Variants in DCLK1 observed in about 807,000 individuals in gnomAD.
DCLK1 encodes doublecortin like kinase 1.
A neutral mutation model predicts 86.2 loss-of-function variants in DCLK1; 16 were observed. The ratio of observed to expected loss-of-function variants is 0.19; its 90% CI spans 0.13 to 0.28. DCLK1 has a LOEUF of 0.28. Ranked by LOEUF, DCLK1 falls within the 10% of genes least tolerant of loss-of-function variation. The pLI, the probability that DCLK1 is intolerant of heterozygous loss-of-function variation, is 1.00. For synonymous variants in DCLK1, 369 were observed against 370.5 expected, an observed-to-expected ratio of 1.00 and a Z score of 0.05; for missense variants, 590 against 940.2, an observed-to-expected ratio of 0.63 and a Z score of 4.87.
intron 16 of DCLK1, among the ~76,000 whole-genome samples, chr13:35,784,862 T>C (rs946747148): frequency 5.9e-5 from 9 of 152,026 alleles, no homozygotes; most frequent in African/African-American, 2.2e-4. Flanking sequence ...GGGCCCTACA[T>C]CCCTTCTCAC....
intron 16 of DCLK1, among the ~76,000 whole-genome samples, chr13:35,780,807 A>G (rs752900844): frequency 1.3e-5 from 2 of 152,236 alleles, no homozygotes; most frequent in Non-Finnish European, 2.9e-5. Context: ...TATCTCAGCA[A>G]CTCAGGTGGC....
chr13:36,107,442 G>C (rs1173969348), intron 3 of DCLK1, among the ~76,000 whole-genome samples: 1 of 146,748 alleles, frequency 6.8e-6, no homozygotes, highest in Non-Finnish European at 1.5e-5. Context: ...ATTTTATAAA[G>C]TACATGGCCT....
chr13:35,923,972 G>C (rs1225833628), intron 4 of DCLK1, among the ~76,000 whole-genome samples: 1 of 152,124 alleles, frequency 6.6e-6, no homozygotes. Context: ...AATAGTTCGA[G>C]GGATCATAAG....
intron 4 of DCLK1, among the ~76,000 whole-genome samples, chr13:35,891,529 T>G (rs1437226902): frequency 6.6e-6 from 1 of 152,206 alleles, no homozygotes; most frequent in Non-Finnish European, 1.5e-5. Context: ...ATGAAAATGT[T>G]CTAAAATTGA....
At chr13:35,911,707 T>G (rs2153124856) in intron 4 of DCLK1, among the ~76,000 whole-genome samples, 1 of 152,320 alleles carries the variant, frequency 6.6e-6, no homozygotes, top group Non-Finnish European at 1.5e-5. Context: ...TCTGAACAAT[T>G]TCTTGTTCTG....
Position 36,112,055 on chromosome 13 carries a change from A to G in DCLK1, c.537T>C (p.Asn179=), listed in dbSNP as rs143042214. ...AKGSPSEVRE[N]KDFIRPKLVT... ...CCAGCTTGGGCCGAATGAAATCCTTATTCTCTCGCACCTCTGAAGGGCTTC... is the reference window on the plus strand; with the variant it reads ...CCAGCTTGGGCCGAATGAAATCCTTGTTCTCTCGCACCTCTGAAGGGCTTC... The change falls in exon 3 of 17, where the codon AAT becomes AAC. Residue 179 remains asparagine (N), a synonymous_variant. Coordinates refer to ENST00000360631, the MANE Select transcript of DCLK1 (RefSeq NM_001330071.2). The G allele has an allele frequency of 4.3e-5, 70 of 1,614,146 alleles. No homozygotes were observed. The African/African-American group carries it at 8.5e-4, about 20-fold the overall frequency.
intron 3 of DCLK1, among the ~76,000 whole-genome samples, chr13:35,998,129 A>C (rs1042913273): frequency 6.6e-6 from 1 of 152,080 alleles, no homozygotes; most frequent in Admixed American, 6.6e-5. Context: ...ATTTTAACAT[A>C]ATTTTTTAAA....
intron 16 of DCLK1, chr13:35,788,356 T>C: frequency 7.5e-7 from 1 of 1,341,454 alleles, no homozygotes; most frequent in Non-Finnish European, 1.1e-6. Flanking sequence ...CAGACCAAGC[T>C]GTTCTTCATT....
chr13:35,996,304 T>C (rs1880475659), intron 3 of DCLK1, among the ~76,000 whole-genome samples: 3 of 152,352 alleles, frequency 2.0e-5, no homozygotes, highest in African/African-American at 7.2e-5. Flanking sequence ...GTCTTCATCA[T>C]TCGCTTCAGT....
intron 3 of DCLK1, among the ~76,000 whole-genome samples, chr13:35,954,833 C>T (rs565192696): frequency 3.6e-4 from 55 of 151,746 alleles, no homozygotes; most frequent in Non-Finnish European, 3.4e-4. Context: ...AGCTCTAAGA[C>T]TTTTTTTTAA....
chr13:35,917,101 C>G (rs767581314), intron 4 of DCLK1, among the ~76,000 whole-genome samples: 1 of 152,130 alleles, frequency 6.6e-6, no homozygotes. Context: ...CCTTTTTGCC[C>G]TATCACATTT....
At chr13:36,078,107 T>C (rs978770741) in intron 3 of DCLK1, among the ~76,000 whole-genome samples, 24 of 152,340 alleles carry the variant, frequency 1.6e-4, no homozygotes, top group Admixed American at 1.1e-3. Context: ...GCCCCCATCA[T>C]GGGATTAGTG....
chr13:35,795,299 C>G (rs1374154874), intron 15 of DCLK1, among the ~76,000 whole-genome samples: 1 of 152,130 alleles, frequency 6.6e-6, no homozygotes, highest in Non-Finnish European at 1.5e-5. Context: ...CAGTTTGTCT[C>G]TAGTTAAGAG....
intron 8 of DCLK1, among the ~76,000 whole-genome samples, 189 bp downstream of exon 8, chr13:35,835,844 C>G (rs1175445052): frequency 6.6e-6 from 1 of 152,172 alleles, no homozygotes. Context: ...TAGATTGTCC[C>G]CAGGTATCAC....
chr13:35,947,507 C>A (rs1318069342), intron 3 of DCLK1, 50 bp from the exon 4 acceptor site: 2 of 1,450,980 alleles, frequency 1.4e-6, no homozygotes, highest in East Asian at 4.6e-5. Context: ...ACAGCAATTA[C>A]AACAATGCAA....
chr13:35,892,983 T>C (rs1035300719), intron 4 of DCLK1, among the ~76,000 whole-genome samples: 25 of 152,356 alleles, frequency 1.6e-4, no homozygotes, highest in African/African-American at 6.0e-4. Context: ...GCTCTCCACA[T>C]GACAGCACAC....
At chr13:36,027,682 C>A (rs140169915) in intron 3 of DCLK1, among the ~76,000 whole-genome samples, 1 of 152,162 alleles carries the variant, frequency 6.6e-6, no homozygotes, top group African/African-American at 2.4e-5. Context: ...AAAAATATTT[C>A]TTTACCTAGT....
chr13:36,078,893 C>A (rs1377244627), intron 3 of DCLK1, among the ~76,000 whole-genome samples: 2 of 152,096 alleles, frequency 1.3e-5, no homozygotes, highest in Non-Finnish European at 2.9e-5. Context: ...AGGCAACTCC[C>A]CCTCTAAAAT....
intron 15 of DCLK1, 101 bp downstream of exon 15, chr13:35,805,598 C>A: frequency 8.2e-7 from 1 of 1,226,200 alleles, no homozygotes; most frequent in South Asian, 1.4e-5. Flanking sequence ...TGCGCCTGGC[C>A]CACAACACTT....
Sources: gnomAD v4.1 joint callset for allele counts (sites outside exome capture counted in the v4.1 genomes callset) on GRCh38, gnomAD v4.1.1 for gene constraint, MANE v1.5 for transcripts, NCBI Gene and HGNC (gene_info 2026-07-23, HGNC 2026-07-21) for gene names.